The following LAPTM4A variants were observed in gnomAD, a reference collection of about 807,000 sequenced individuals.
LAPTM4A encodes lysosomal-associated transmembrane protein 4A.
Under a neutral mutation model 29.9 loss-of-function variants are expected in LAPTM4A, and 19 were observed. The ratio of observed to expected loss-of-function variants is 0.64; its 90% CI spans 0.44 to 0.93. The LOEUF (loss-of-function observed/expected upper bound fraction) is 0.93. LAPTM4A is among the 40% of genes least tolerant of loss of function. The pLI, the probability that LAPTM4A is intolerant of heterozygous loss-of-function variation, is 0.00. For missense variants in LAPTM4A, 293 were observed against 288.5 expected, an observed-to-expected ratio of 1.02 and a Z score of -0.11; for synonymous variants, 105 against 102.1, an observed-to-expected ratio of 1.03 and a Z score of -0.17.
At chr2:20,041,342 C>T (rs888284580) in intron 1 of LAPTM4A, among the ~76,000 whole-genome samples, 1 of 152,108 alleles carries the variant, frequency 6.6e-6, no homozygotes, top group African/African-American at 2.4e-5. Flanking sequence ...CTCAGAATTT[C>T]TGGATTTGAA....
chr2:20,048,398 G>C (rs3769760), intron 1 of LAPTM4A, among the ~76,000 whole-genome samples: 26,971 of 152,170 alleles, frequency 0.18, 2,706 homozygotes, highest in East Asian at 0.31. Flanking sequence ...GCTAAAATAC[G>C]AAAGGCTCAC....
intron 4 of LAPTM4A, among the ~76,000 whole-genome samples, chr2:20,036,403 C>G (rs1308780849): frequency 6.6e-6 from 1 of 152,222 alleles, no homozygotes; most frequent in African/African-American, 2.4e-5. Flanking sequence ...AGGTTTAGTA[C>G]CCATGTGATA....
chr2:20,040,848 A>G (rs375294655), intron 2 of LAPTM4A, 43 bp downstream of exon 2: 1 of 1,584,026 alleles, frequency 6.3e-7, no homozygotes. Flanking sequence ...TGTATATAAA[A>G]ATTAGCAGGG....
In LAPTM4A at chr2:20,034,963, G is replaced by A. The variant is rs757475980; in HGVS notation, c.528+4C>T. On this transcript the variant is annotated splice_donor_region_variant and intron_variant, in intron 5 of 6. Transcript: ENST00000175091. Reference sequence around the variant, plus strand: ...CACCCCTAAAGATTTAGTCAGCAACGTACCTTAAAAATGATGAATAAGGCA... The same window carrying A: ...CACCCCTAAAGATTTAGTCAGCAACATACCTTAAAAATGATGAATAAGGCA... The A allele has an allele frequency of 2.8e-5, 45 of 1,603,386 alleles. No homozygotes were observed. Among genetic ancestry groups the A allele is most frequent in the Middle Eastern group, 1.6e-4 (1 of 6,070 alleles).
chr2:20,040,031 C>T (rs952714609), intron 2 of LAPTM4A, among the ~76,000 whole-genome samples: 2 of 151,888 alleles, frequency 1.3e-5, no homozygotes, highest in Non-Finnish European at 2.9e-5. Flanking sequence ...GGGCAACAAG[C>T]GCAAAACTCT....
At chr2:20,033,335 A>G in intron 6 of LAPTM4A, 56 bp from the exon 7 acceptor site, 1 of 1,368,224 alleles carries the variant, frequency 7.3e-7, no homozygotes. Flanking sequence ...ATCCTTTGTG[A>G]GATAATTCAG....
rs760502673 is a variant in LAPTM4A at position 20,033,281 on chromosome 2, TA to T, written c.628-3del. 2 of 1,611,650 alleles carry T rather than the reference TA, an allele frequency of 1.2e-6. No individual in the cohort carries two copies. The highest frequency in any genetic ancestry group is 1.7e-6 in the Non-Finnish European group (2 of 1,177,744). On this transcript the variant is annotated splice_polypyrimidine_tract_variant and splice_region_variant and intron_variant, in intron 6 of 6. Coordinates refer to ENST00000175091, the MANE Select transcript of LAPTM4A (RefSeq NM_014713.5). ...CATTTCATAGGTTGGCAAAACGTAC[TA>T]AAGAGAGAAAAAAAATTGTATCAGA...
At chr2:20,047,281 G>C (rs1673946627) in intron 1 of LAPTM4A, among the ~76,000 whole-genome samples, 1 of 151,374 alleles carries the variant, frequency 6.6e-6, no homozygotes. Flanking sequence ...CCAGCTATTT[G>C]GGAGGCTGGG....
chr2:20,037,155 GT>G (rs1457374117), intron 4 of LAPTM4A, 160 bp downstream of exon 4: 2 of 549,252 alleles, frequency 3.6e-6, no homozygotes, highest in Non-Finnish European at 6.2e-6. Context: ...CATCTTGCCA[GT>G]TTTGTCACAG....
At chr2:20,044,874 T>G (rs1673877811) in intron 1 of LAPTM4A, among the ~76,000 whole-genome samples, 1 of 152,226 alleles carries the variant, frequency 6.6e-6, no homozygotes, top group Non-Finnish European at 1.5e-5. Flanking sequence ...ACTTACATCT[T>G]AAAGTATTAC....
In LAPTM4A at chr2:20,040,963, G is replaced by A. The variant is rs1414114658; in HGVS notation, c.160C>T (p.Pro54Ser). Residue 54 changes from proline (P) to serine (S), a missense_variant, in exon 2 of 7, where the codon CCA becomes TCA. Transcript: ENST00000175091. ...ATGTTGACAGCTGGCATGGAGTTTG[G>A]ATGAGTCACTTCCACAGTCAGCAAA... ...AILLTVEVTH[P>S]NSMPAVNIQY... is the part of the protein sequence containing the mutation. 1 of 1,613,336 alleles carries A rather than the reference G, an allele frequency of 6.2e-7. No individual in the cohort carries two copies. Among genetic ancestry groups the A allele is most frequent in the Non-Finnish European group, 8.5e-7 (1 of 1,179,388 alleles).
At chr2:20,034,916 G>T in intron 5 of LAPTM4A, 51 bp downstream of exon 5, 1 of 1,335,446 alleles carries the variant, frequency 7.5e-7, no homozygotes, top group Non-Finnish European at 1.1e-6. Context: ...AAAAGGTTTA[G>T]ATTCACAGTG....
chr2:20,045,431 C>T (rs79352176), intron 1 of LAPTM4A, among the ~76,000 whole-genome samples: 2,210 of 150,018 alleles, frequency 0.015, 51 homozygotes, highest in African/African-American at 0.053. Flanking sequence ...CCATTGCACA[C>T]CAGCACAGGC....
At chr2:20,037,853 A>AT (rs1333713136) in intron 2 of LAPTM4A, among the ~76,000 whole-genome samples, 4 of 152,122 alleles carry the variant, frequency 2.6e-5, no homozygotes, top group African/African-American at 9.7e-5. Flanking sequence ...ACTCACTGAC[A>AT]TGGGTGTAGG....
chr2:20,039,548 G>C (rs1162829710), intron 2 of LAPTM4A, among the ~76,000 whole-genome samples: 1 of 152,028 alleles, frequency 6.6e-6, no homozygotes, highest in Non-Finnish European at 1.5e-5. Flanking sequence ...GAAGCCGGGA[G>C]CTCAAGACCA....
chr2:20,037,362 C>A lies in LAPTM4A; in HGVS notation c.386G>T (p.Ser129Ile). The change falls in exon 4 of 7, where the codon AGT becomes ATT. Residue 129 changes from serine to isoleucine, a missense_variant. Physicochemically the swap from Ser to Ile is moderately radical, Grantham distance 142. Coordinates refer to ENST00000175091, the MANE Select transcript of LAPTM4A (RefSeq NM_014713.5). Reference protein sequence around the residue: ...DFVLSCLVAISSLTYLPRIKE... With the variant: ...DFVLSCLVAIISLTYLPRIKE... ...GATTCTTGGCAAATAGGTGAGAGAA[C>A]TAATAGCAACCAGGCAACTGAGGAC... The A allele has an allele frequency of 6.2e-7, 1 of 1,613,282 alleles. No homozygotes were observed. The highest frequency in any genetic ancestry group is 8.5e-7 in the Non-Finnish European group (1 of 1,179,468).
At chr2:20,051,083 A>C (rs1197366104) in intron 1 of LAPTM4A, among the ~76,000 whole-genome samples, 1 of 152,044 alleles carries the variant, frequency 6.6e-6, no homozygotes, top group Non-Finnish European at 1.5e-5. Context: ...ACAAGAACCA[A>C]AACAGAGGAA....
At chr2:20,045,962 C>T (rs1222622224) in intron 1 of LAPTM4A, among the ~76,000 whole-genome samples, 1 of 152,192 alleles carries the variant, frequency 6.6e-6, no homozygotes, top group Non-Finnish European at 1.5e-5. Flanking sequence ...TAAGCAAAGC[C>T]TGTTATCTGA....
chr2:20,047,258 G>A (rs1216199973), intron 1 of LAPTM4A, among the ~76,000 whole-genome samples: 2 of 151,376 alleles, frequency 1.3e-5, no homozygotes, highest in Non-Finnish European at 2.9e-5. Context: ...CATGGTGGCG[G>A]GTGCCTGTAG....
Sources: gnomAD v4.1 joint callset for allele counts (sites outside exome capture counted in the v4.1 genomes callset) on GRCh38, gnomAD v4.1.1 for gene constraint, MANE v1.5 for transcripts, NCBI Gene and HGNC (gene_info 2026-07-23, HGNC 2026-07-21) for gene names.